DMD: variants seen among roughly 807,000 people sequenced by gnomAD.
The protein encoded by DMD is mutant dystrophin.
DMD carries 63 observed loss-of-function variants against 330.1 expected under a neutral mutation model. The observed-to-expected ratio is 0.19, with a 90% CI of 0.16 to 0.24. The LOEUF is 0.24. Among genes scored for constraint, DMD ranks in the 10% least tolerant of loss-of-function variants. The probability of loss-of-function intolerance (pLI) is 1.00; values close to 1 mark genes in which losing one functional copy is unlikely to be tolerated. For synonymous variants in DMD, 1,223 were observed against 959.8 expected, an observed-to-expected ratio of 1.27 and a Z score of -5.07; for missense variants, 3,344 against 2,684.1, an observed-to-expected ratio of 1.25 and a Z score of -5.43.
chrX:31,199,329 A>G (rs897344242), intron 67 of DMD, among the ~76,000 whole-genome samples: 4 of 112,388 alleles, frequency 3.6e-5, no homozygotes, highest in African/African-American at 9.7e-5. Context: ...TTCCCAGTAA[A>G]TGTGTTGACT....
intron 44 of DMD, among the ~76,000 whole-genome samples, chrX:32,151,029 C>A (rs1406736702): frequency 2.7e-5 from 3 of 111,194 alleles, no homozygotes; most frequent in Non-Finnish European, 5.7e-5. Context: ...CTCTATGTGA[C>A]TCCATCCTGT....
chrX:32,953,003 T>G (rs544636450), intron 2 of DMD, among the ~76,000 whole-genome samples: 2 of 108,755 alleles, frequency 1.8e-5, no homozygotes, highest in South Asian at 8.0e-4. Flanking sequence ...GGTGGCTTGG[T>G]GCATGCCTGT....
intron 44 of DMD, among the ~76,000 whole-genome samples, chrX:32,085,677 CGCGTAT>C (rs2096432841): frequency 1.9e-5 from 1 of 51,751 alleles, no homozygotes; most frequent in Non-Finnish European, 3.8e-5. Flanking sequence ...TATATACACA[CGCGTAT>C]ATATATACGT....
intron 43 of DMD, among the ~76,000 whole-genome samples, chrX:32,224,008 T>C (rs2097139827): frequency 9.0e-6 from 1 of 111,682 alleles, no homozygotes; most frequent in African/African-American, 3.2e-5. Context: ...GCCCTTTTTG[T>C]GCCATGGTTC....
rs751274109 is a variant in DMD, at chrX:31,177,051, C to G, written c.10262+881G>C. ...CATTTCCCCTTTATCCATAACAGAG[C>G]TGTCTGATTTTCAATAAATATTTTA... On this transcript the variant is annotated intron_variant, in intron 71 of 78. Coordinates refer to ENST00000357033, the MANE Select transcript of DMD (RefSeq NM_004006.3). 5.4e-5 allele frequency among the ~76,000 whole-genome samples: 6 copies of G among 111,531 alleles called. No homozygotes were observed. In the South Asian group the frequency reaches 1.9e-3, roughly 35 times the overall value.
intron 44 of DMD, among the ~76,000 whole-genome samples, chrX:32,175,039 T>G (rs913921112): frequency 8.9e-6 from 1 of 112,253 alleles, no homozygotes; most frequent in Non-Finnish European, 1.9e-5. Flanking sequence ...ATAGTTGGAA[T>G]AGTTATTCTC....
intron 2 of DMD, among the ~76,000 whole-genome samples, chrX:32,858,473 G>A (rs985399179): frequency 2.7e-5 from 3 of 111,438 alleles, no homozygotes; most frequent in Non-Finnish European, 3.8e-5. Flanking sequence ...GGGACTACAG[G>A]CATGTGTCAT....
chrX:32,520,023 T>C (rs1284913655), intron 17 of DMD, among the ~76,000 whole-genome samples: 4 of 111,674 alleles, frequency 3.6e-5, no homozygotes, highest in Non-Finnish European at 5.6e-5. Flanking sequence ...GATTGAGTTG[T>C]TATTTATCGA....
At chrX:32,014,574 G>T (rs750998891) in intron 44 of DMD, among the ~76,000 whole-genome samples, 1 of 111,649 alleles carries the variant, frequency 9.0e-6, no homozygotes, top group African/African-American at 3.3e-5. Flanking sequence ...CTATAGTACA[G>T]TTTTCTCACC....
chrX:32,425,529 T>G (rs932222417), intron 29 of DMD, among the ~76,000 whole-genome samples: 1 of 111,838 alleles, frequency 8.9e-6, no homozygotes, highest in Non-Finnish European at 1.9e-5. Context: ...TTCTGCCCTA[T>G]TACTATTCAA....
At chrX:32,819,662 C>T (rs193077154) in intron 5 of DMD, among the ~76,000 whole-genome samples, 112 of 110,439 alleles carry the variant, frequency 1.0e-3, no homozygotes, top group African/African-American at 3.5e-3. Context: ...GAGAAGTCCT[C>T]CATGGCACTA....
chrX:31,598,291 A>T (rs1414516451), intron 55 of DMD, among the ~76,000 whole-genome samples: 2 of 110,422 alleles, frequency 1.8e-5, no homozygotes, highest in Non-Finnish European at 1.9e-5. Context: ...ACTATTTTTT[A>T]AAAAATTTTT....
intron 2 of DMD, among the ~76,000 whole-genome samples, chrX:32,857,269 C>T: frequency 8.9e-6 from 1 of 111,930 alleles, no homozygotes; most frequent in Middle Eastern, 4.7e-3. Context: ...ACATAATATA[C>T]ACATAAATCT....
chrX:33,135,346 C>A (rs779281549), intron 1 of DMD, among the ~76,000 whole-genome samples: 1 of 112,030 alleles, frequency 8.9e-6, no homozygotes, highest in Non-Finnish European at 1.9e-5. Flanking sequence ...ACGTCCAACA[C>A]GTGTTATTTA....
intron 15 of DMD, among the ~76,000 whole-genome samples, chrX:32,573,160 A>AC (rs1569228363): frequency 9.0e-6 from 1 of 111,699 alleles, no homozygotes; most frequent in Non-Finnish European, 1.9e-5. Context: ...TGTCAGGATA[A>AC]CCGTCGCTTG....
chrX:31,396,548 G>GTTTTTTTTTTT (rs56745544), intron 60 of DMD, among the ~76,000 whole-genome samples: 1 of 66,067 alleles, frequency 1.5e-5, no homozygotes, highest in African/African-American at 6.0e-5. Flanking sequence ...AAATCCCAGG[G>GTTTTTTTTTTT]TTTTTTTTTT....
intron 54 of DMD, among the ~76,000 whole-genome samples, chrX:31,632,238 A>C (rs1480829350): frequency 9.0e-6 from 1 of 111,703 alleles, no homozygotes; most frequent in Non-Finnish European, 1.9e-5. Context: ...AAGGAAGGGA[A>C]ACTTGTTGCT....
At chrX:31,434,416 GCGCACACACA>G (rs1376454974) in intron 60 of DMD, among the ~76,000 whole-genome samples, 1 of 66,384 alleles carries the variant, frequency 1.5e-5, no homozygotes, top group African/African-American at 7.5e-5. Context: ...TGCAGCGCGC[GCGCACACACA>G]CACACACACA....
intron 12 of DMD, among the ~76,000 whole-genome samples, chrX:32,600,047 C>A (rs965260456): frequency 2.7e-5 from 3 of 112,040 alleles, no homozygotes; most frequent in South Asian, 3.7e-4. Context: ...AAGGGCTTAA[C>A]AAAATTTGTT....
Sources: gnomAD v4.1 joint callset for allele counts (sites outside exome capture counted in the v4.1 genomes callset) on GRCh38, gnomAD v4.1.1 for gene constraint, MANE v1.5 for transcripts, NCBI Gene and HGNC (gene_info 2026-07-23, HGNC 2026-07-21) for gene names.